EDIL3: variants seen among roughly 807,000 people sequenced by gnomAD.
EDIL3 encodes the protein EGF like and discoidin domains 3.
In EDIL3, 37 loss-of-function variants were observed where a neutral mutation model predicts 67.4. The ratio of observed to expected loss-of-function variants is 0.55; its 90% CI spans 0.42 to 0.72. The LOEUF is 0.72. Ranked by LOEUF, EDIL3 falls within the 30% of genes least tolerant of loss-of-function variation. EDIL3 has a pLI of 0.00. For synonymous variants in EDIL3, 195 were observed against 196.3 expected, an observed-to-expected ratio of 0.99 and a Z score of 0.05; for missense variants, 527 against 586.3, an observed-to-expected ratio of 0.90 and a Z score of 1.04.
chr5:83,952,048 A>G (rs965460748), intron 10 of EDIL3, among the ~76,000 whole-genome samples: 1 of 151,758 alleles, frequency 6.6e-6, no homozygotes, highest in Admixed American at 6.6e-5. Flanking sequence ...CATTCATTCT[A>G]CGGACTGTTT....
chr5:84,038,683 A>G (rs1052758018), intron 9 of EDIL3, among the ~76,000 whole-genome samples: 2 of 152,218 alleles, frequency 1.3e-5, no homozygotes. Flanking sequence ...TTTTTCACTG[A>G]TAGTTAAGTA....
chr5:83,967,633 T>C (rs1744721448), intron 9 of EDIL3, among the ~76,000 whole-genome samples: 1 of 152,134 alleles, frequency 6.6e-6, no homozygotes, highest in Non-Finnish European at 1.5e-5. Context: ...TGTGTCTAAC[T>C]TAGACAAATG....
intron 1 of EDIL3, among the ~76,000 whole-genome samples, chr5:84,329,290 G>T (rs182107132): frequency 6.6e-6 from 1 of 152,016 alleles, no homozygotes; most frequent in South Asian, 2.1e-4. Context: ...AACAGGAAAA[G>T]TAAAGTAAAA....
chr5:84,055,725 G>T (rs188462651), intron 9 of EDIL3, among the ~76,000 whole-genome samples: 60 of 152,196 alleles, frequency 3.9e-4, no homozygotes, highest in Admixed American at 3.3e-3. Flanking sequence ...ACCATCACTG[G>T]CCATCAGAGA....
At position 84,057,403 on chromosome 5, in the gene EDIL3, A is replaced by G. The variant is rs1192927622; in HGVS notation, c.1137+2897T>C. 3.9e-5 allele frequency among the ~76,000 whole-genome samples: 6 copies of G among 151,996 alleles called. No homozygotes were observed. In the East Asian group the frequency reaches 1.2e-3, roughly 29 times the overall value. The stretch of plus-strand genomic sequence containing the variant: ...ACCTCCTGAGCTACTTATGGGGTGT[A>G]AAATAGTTTGCCTTATTCCACACAG... On this transcript the variant is annotated intron_variant, in intron 9 of 10. Coordinates refer to ENST00000296591, the MANE Select transcript of EDIL3 (RefSeq NM_005711.5).
intron 9 of EDIL3, among the ~76,000 whole-genome samples, chr5:83,990,770 C>T (rs1015117909): frequency 6.6e-6 from 1 of 151,786 alleles, no homozygotes; most frequent in African/African-American, 2.4e-5. Context: ...ATCTCAGCTA[C>T]TCAGGAGGCT....
At chr5:84,290,924 C>G (rs756553869) in intron 1 of EDIL3, among the ~76,000 whole-genome samples, 1 of 152,140 alleles carries the variant, frequency 6.6e-6, no homozygotes, top group African/African-American at 2.4e-5. Context: ...AGTTTCAACC[C>G]TTGAACAGAA....
intron 10 of EDIL3, among the ~76,000 whole-genome samples, chr5:83,959,248 T>C (rs921390059): frequency 2.7e-5 from 4 of 148,796 alleles, no homozygotes; most frequent in African/African-American, 9.8e-5. Context: ...TATATATATA[T>C]ACGGCATTGC....
In EDIL3 at chr5:84,291,735, T is replaced by G. The variant is rs565712135; in HGVS notation, c.68-37523A>C. Among the ~76,000 whole-genome samples, 158 of 146,072 alleles carry G rather than the reference T, an allele frequency of 1.1e-3. 1 individual carries two copies. The highest frequency in any genetic ancestry group is 2.5e-3 in the African/African-American group (99 of 39,914). ...ATCTATCTATATATCTATATAGATCTATCTATATAGATATATCTATATATC... is the reference window on the plus strand; with the variant it reads ...ATCTATCTATATATCTATATAGATCGATCTATATAGATATATCTATATATC... On this transcript the variant is annotated intron_variant, in intron 1 of 10. Transcript: ENST00000296591.
At chr5:83,991,284 G>A (rs1321290275) in intron 9 of EDIL3, among the ~76,000 whole-genome samples, 1 of 151,956 alleles carries the variant, frequency 6.6e-6, no homozygotes, top group Non-Finnish European at 1.5e-5. Context: ...AACATAAATA[G>A]TAAGATCTGA....
At chr5:83,993,782 T>C (rs1274090596) in intron 9 of EDIL3, among the ~76,000 whole-genome samples, 1 of 152,216 alleles carries the variant, frequency 6.6e-6, no homozygotes, top group Non-Finnish European at 1.5e-5. Flanking sequence ...CCACTCAGAC[T>C]GACTGATAAG....
At chr5:84,140,771 T>A (rs1322543814) in intron 4 of EDIL3, among the ~76,000 whole-genome samples, 1 of 152,140 alleles carries the variant, frequency 6.6e-6, no homozygotes, top group Non-Finnish European at 1.5e-5. Flanking sequence ...TTATCTTAAG[T>A]TATCCATATT....
intron 1 of EDIL3, among the ~76,000 whole-genome samples, chr5:84,313,921 T>C (rs1746458404): frequency 6.6e-6 from 1 of 151,978 alleles, no homozygotes; most frequent in Admixed American, 6.6e-5. Context: ...ACCAGCCAGG[T>C]GTGGTGGCTC....
intron 9 of EDIL3, among the ~76,000 whole-genome samples, chr5:84,012,654 A>G (rs1745537093): frequency 6.6e-6 from 1 of 152,140 alleles, no homozygotes; most frequent in Non-Finnish European, 1.5e-5. Flanking sequence ...AAGTTTGAGC[A>G]TAGTGGAGCA....
intron 1 of EDIL3, among the ~76,000 whole-genome samples, chr5:84,328,350 C>G (rs564512007): frequency 1.3e-5 from 2 of 152,090 alleles, no homozygotes; most frequent in Admixed American, 6.6e-5. Flanking sequence ...TGCTTCCCCC[C>G]GTCACTACCA....
At chr5:84,213,534 T>G (rs1163561888) in intron 3 of EDIL3, among the ~76,000 whole-genome samples, 1 of 152,204 alleles carries the variant, frequency 6.6e-6, no homozygotes, top group Non-Finnish European at 1.5e-5. Context: ...TAGCTCATTC[T>G]TTTTCAAGAG....
intron 1 of EDIL3, among the ~76,000 whole-genome samples, chr5:84,372,195 C>A (rs559129648): frequency 2.7e-3 from 410 of 151,954 alleles, no homozygotes; most frequent in Non-Finnish European, 4.9e-3. Context: ...CCAAATGAAA[C>A]AACTAAAATG....
chr5:84,186,890 G>C (rs571631852), intron 3 of EDIL3, among the ~76,000 whole-genome samples: 1 of 152,134 alleles, frequency 6.6e-6, no homozygotes, highest in African/African-American at 2.4e-5. Flanking sequence ...CACTTCAAAA[G>C]CCTTGTAAAG....
chr5:84,224,332 T>C (rs1056384215), intron 3 of EDIL3, among the ~76,000 whole-genome samples: 1 of 151,478 alleles, frequency 6.6e-6, no homozygotes, highest in Non-Finnish European at 1.5e-5. Flanking sequence ...TAAGACCAAA[T>C]AAACTAAAAG....
Sources: allele counts gnomAD v4.1 joint callset (sites outside exome capture counted in the v4.1 genomes callset), GRCh38; gene constraint gnomAD v4.1.1; transcripts MANE v1.5; gene names NCBI Gene and HGNC (gene_info 2026-07-23, HGNC 2026-07-21).